Variants in FAM171A1 observed in about 807,000 individuals in gnomAD.
FAM171A1 encodes the protein protein FAM171A1.
FAM171A1 carries 23 observed loss-of-function variants against 74.9 expected under a neutral mutation model. That is an observed-to-expected ratio of 0.31 (90% confidence interval 0.22 to 0.44). The LOEUF is 0.44. Among genes scored for constraint, FAM171A1 ranks in the 20% least tolerant of loss-of-function variants. FAM171A1 has a pLI of 1.00. For missense variants in FAM171A1, 1,162 were observed against 1,159.2 expected (o/e 1.00, Z -0.03); for synonymous variants, 527 against 505.7 (o/e 1.04, Z -0.57).
chr10:15,301,367 T>A (rs920470828), intron 1 of FAM171A1, among the ~76,000 whole-genome samples: 35 of 149,140 alleles, frequency 2.3e-4, no homozygotes, highest in Non-Finnish European at 4.5e-4. Flanking sequence ...TATATATTTT[T>A]TTTTTTTGTA....
At chr10:15,243,414 A>T (rs1834387980) in intron 5 of FAM171A1, among the ~76,000 whole-genome samples, 1 of 152,216 alleles carries the variant, frequency 6.6e-6, no homozygotes, top group Non-Finnish European at 1.5e-5. Flanking sequence ...GGATGCAGAG[A>T]TAGTTCCATC....
chr10:15,247,307 C>A (rs192488707), intron 5 of FAM171A1, among the ~76,000 whole-genome samples: 3 of 152,246 alleles, frequency 2.0e-5, no homozygotes, highest in Non-Finnish European at 4.4e-5. Flanking sequence ...CGTTCTGTTG[C>A]CTAGGAGGTG....
intron 3 of FAM171A1, among the ~76,000 whole-genome samples, chr10:15,267,014 C>A (rs1834752622): frequency 6.6e-6 from 1 of 152,176 alleles, no homozygotes; most frequent in Admixed American, 6.5e-5. Context: ...CTCAGGTAGA[C>A]CCAACGGGCA....
chr10:15,357,486 G>C (rs538702400), intron 1 of FAM171A1, among the ~76,000 whole-genome samples: 3 of 152,298 alleles, frequency 2.0e-5, no homozygotes, highest in Admixed American at 6.5e-5. Context: ...TTACTAGGAA[G>C]GGAATGAGGG....
At chr10:15,293,862 C>T (rs1158624893) in intron 1 of FAM171A1, among the ~76,000 whole-genome samples, 2 of 152,170 alleles carry the variant, frequency 1.3e-5, no homozygotes, top group East Asian at 1.9e-4. Flanking sequence ...GTCTTTGTGG[C>T]ACCTTCTGAA....
chr10:15,306,459 G>A (rs1408137484), intron 1 of FAM171A1, among the ~76,000 whole-genome samples: 1 of 151,870 alleles, frequency 6.6e-6, no homozygotes, highest in Non-Finnish European at 1.5e-5. Flanking sequence ...CTGCCTCCTG[G>A]GTTCAAGCGA....
chr10:15,372,309 A>C (rs1406511804), upstream of FAM171A1, among the ~76,000 whole-genome samples: 1 of 152,150 alleles, frequency 6.6e-6, no homozygotes, highest in Non-Finnish European at 1.5e-5. Flanking sequence ...AGGGTTAAGG[A>C]ATTTGTCCAA....
chr10:15,251,135 A>G (rs1834501828), intron 4 of FAM171A1, among the ~76,000 whole-genome samples: 1 of 152,178 alleles, frequency 6.6e-6, no homozygotes, highest in South Asian at 2.1e-4. Context: ...GCCTTCCTGC[A>G]TCTATGGAAA....
chr10:15,323,480 T>A (rs1835512624), intron 1 of FAM171A1, among the ~76,000 whole-genome samples: 1 of 151,854 alleles, frequency 6.6e-6, no homozygotes, highest in African/African-American at 2.4e-5. Flanking sequence ...ATAAATAAAA[T>A]AAAAAAACAA....
chr10:15,213,768 T>C lies in FAM171A1; in HGVS notation c.1820A>G (p.Gln607Arg). 3 of 1,614,106 alleles carry C rather than the reference T, an allele frequency of 1.9e-6. No homozygotes were observed. Among genetic ancestry groups the C allele is most frequent in the African/African-American group, 2.7e-5 (2 of 75,038 alleles). The change falls in exon 8 of 8, where the codon CAG (glutamine) becomes CGG (arginine). Residue 607 changes from glutamine to arginine, a missense_variant. Physicochemically the swap from Gln to Arg is conservative, Grantham distance 43. Coordinates refer to ENST00000378116, the MANE Select transcript of FAM171A1 (RefSeq NM_001010924.2). The surrounding 1 kb of genome is among the most constrained non-coding windows in gnomAD (Gnocchi z 6.8). ...CTGTAGTCTTTCTATCTCAAGCTGC[T>C]GATCAGCCGGGACGACGAGGGGCTG... ...VSQPLVVPAD[Q>R]QLEIERLQAE...
chr10:15,224,092 A>C (rs1349688330), intron 5 of FAM171A1, among the ~76,000 whole-genome samples: 5 of 152,072 alleles, frequency 3.3e-5, no homozygotes, highest in Non-Finnish European at 7.4e-5. Flanking sequence ...AGCTGCTTGG[A>C]GGGTCAGCTA....
intron 4 of FAM171A1, among the ~76,000 whole-genome samples, chr10:15,254,491 T>A (rs145192961): frequency 0.019 from 2,907 of 152,322 alleles, 53 homozygotes; most frequent in Non-Finnish European, 0.027. Flanking sequence ...TTAAGGCAAC[T>A]GGTAACAGAA....
chr10:15,312,784 G>A (rs1044336288), intron 1 of FAM171A1, among the ~76,000 whole-genome samples: 4 of 135,428 alleles, frequency 3.0e-5, no homozygotes, highest in Admixed American at 8.6e-5. Flanking sequence ...TGCAAACTCC[G>A]CCTCCGAGGT....
chr10:15,336,257 G>A (rs1268370443), intron 1 of FAM171A1, among the ~76,000 whole-genome samples: 1 of 152,118 alleles, frequency 6.6e-6, no homozygotes, highest in Non-Finnish European at 1.5e-5. Context: ...GGTTGATGGG[G>A]CTTGTGGTAT....
intron 5 of FAM171A1, among the ~76,000 whole-genome samples, chr10:15,233,709 G>C (rs573298338): frequency 6.6e-6 from 1 of 152,112 alleles, no homozygotes; most frequent in South Asian, 2.1e-4. Context: ...GGAGACCATC[G>C]TGGCCAATGT....
rs1258113655 is a variant in FAM171A1, at chr10:15,229,763, CA to C, written c.755-8704del. Among the ~76,000 whole-genome samples, 15 of 63,240 alleles carry C rather than the reference CA, an allele frequency of 2.4e-4. 1 individual carries two copies. The highest frequency in any genetic ancestry group is 1.6e-3 in the South Asian group (2 of 1,286). The allele number at this position is 63,240 out of a possible 152,430, so 41.5% of individuals were successfully genotyped here. A position where few individuals can be genotyped will look rare whatever the true frequency, so the allele number is the denominator to read the frequency against. On this transcript the variant is annotated intron_variant, in intron 5 of 7. Transcript: ENST00000378116. ...CCCCCATCACCATCATCACCATCAC[CA>C]CCATCACCATCATCACCATCACCAC...
chr10:15,279,540 G>C (rs1444061770), intron 2 of FAM171A1, among the ~76,000 whole-genome samples: 1 of 151,822 alleles, frequency 6.6e-6, no homozygotes, highest in African/African-American at 2.4e-5. Flanking sequence ...TTGATACCTA[G>C]AGGGAAAGGA....
chr10:15,330,025 A>T (rs1040225812), intron 1 of FAM171A1, among the ~76,000 whole-genome samples: 1 of 152,128 alleles, frequency 6.6e-6, no homozygotes, highest in African/African-American at 2.4e-5. Flanking sequence ...GAATATTATA[A>T]GTTTAATTCT....
chr10:15,365,779 A>AG lies in FAM171A1; in HGVS notation c.97+5176_97+5177insC, dbSNP rs1554758347. 3.1e-4 allele frequency among the ~76,000 whole-genome samples: 47 copies of AG among 151,256 alleles called. 1 individual carries two copies. The highest frequency in any genetic ancestry group is 1.4e-3 in the Admixed American group (21 of 15,184). On this transcript the variant is annotated intron_variant, in intron 1 of 7. Coordinates refer to ENST00000378116, the MANE Select transcript of FAM171A1 (RefSeq NM_001010924.2). Reference sequence around the variant, plus strand: ...AGTGAGACTCTGTTAAAAAAAAAAAAAGAGAGAGAAATGCAGACAGACAGA... The same window carrying AG: ...AGTGAGACTCTGTTAAAAAAAAAAAAGAGAGAGAGAAATGCAGACAGACAGA...
Sources: allele counts gnomAD v4.1 joint callset (sites outside exome capture counted in the v4.1 genomes callset), GRCh38; gene constraint gnomAD v4.1.1; non-coding constraint Gnocchi (gnomAD v3.1); transcripts MANE v1.5; gene names NCBI Gene and HGNC (gene_info 2026-07-23, HGNC 2026-07-21).